UBIAD1: variants seen among roughly 807,000 people sequenced by gnomAD.
The protein encoded by UBIAD1 is UbiA prenyltransferase domain containing 1, also known as ubiA prenyltransferase domain-containing protein 1.
In UBIAD1, 12 loss-of-function variants were observed where a neutral mutation model predicts 20.1. The ratio of observed to expected loss-of-function variants is 0.60; its 90% CI spans 0.38 to 0.97. UBIAD1 has a LOEUF of 0.97. Ranked by LOEUF, UBIAD1 falls within the 50% of genes least tolerant of loss-of-function variation. UBIAD1 has a pLI of 0.00. For synonymous variants in UBIAD1, 207 were observed against 189.2 expected, an observed-to-expected ratio of 1.09 and a Z score of -0.77; for missense variants, 333 against 419.5, an observed-to-expected ratio of 0.79 and a Z score of 1.80.
At chr1:11,276,362 A>G (rs1284720745) in intron 1 of UBIAD1, among the ~76,000 whole-genome samples, 1 of 151,872 alleles carries the variant, frequency 6.6e-6, no homozygotes, top group African/African-American at 2.4e-5. Flanking sequence ...CATTTTATTT[A>G]CATTTTCAGA....
chr1:11,278,766 T>C, intron 1 of UBIAD1: 1 of 552,346 alleles, frequency 1.8e-6, no homozygotes, highest in Non-Finnish European at 3.2e-6. Context: ...ACCATCCCAC[T>C]GGAGTTATTT....
At chr1:11,292,459 T>C (rs1004919561), downstream of UBIAD1, among the ~76,000 whole-genome samples, 6 of 152,096 alleles carry the variant, frequency 3.9e-5, no homozygotes, top group East Asian at 9.6e-4. Flanking sequence ...CAGAGAGGCG[T>C]TGGATGAGAA....
chr1:11,291,624 A>G (rs1256269377), downstream of UBIAD1, among the ~76,000 whole-genome samples: 3 of 151,830 alleles, frequency 2.0e-5, no homozygotes, highest in African/African-American at 7.3e-5. Flanking sequence ...AAAAAAAAAA[A>G]AGAAATATGG....
chr1:11,288,759 A>T (rs372076633), downstream of UBIAD1, among the ~76,000 whole-genome samples: 29 of 152,174 alleles, frequency 1.9e-4, no homozygotes, highest in African/African-American at 6.8e-4. Context: ...AAAATTTTAA[A>T]AAGTTAGCTG....
downstream of UBIAD1, chr1:11,296,099 G>A (rs915057703): frequency 2.4e-4 from 37 of 152,190 alleles, no homozygotes; most frequent in African/African-American, 8.4e-4. Flanking sequence ...ATCTGCAGGT[G>A]GCTGCAAGAC....
downstream of UBIAD1, among the ~76,000 whole-genome samples, chr1:11,292,668 T>TATATAC (rs1223161585): frequency 0.011 from 1,533 of 140,714 alleles, 27 homozygotes; most frequent in South Asian, 0.036. Flanking sequence ...ATTTTATGTA[T>TATATAC]ACACACACAC....
rs1638244097 is a variant in UBIAD1, at chr1:11,285,535, C to CT, written c.530-108dup. 1.9e-6 allele frequency: 3 copies of CT among 1,549,022 alleles called. No individual in the cohort carries two copies. The highest frequency in any genetic ancestry group is 1.8e-6 in the Non-Finnish European group (2 of 1,135,570). ...TGAAATGAGTGCCCACCTGCACAGT[C>CT]TAAGGATTTACCATTTTCAGCCGGA... On this transcript the variant is annotated intron_variant, in intron 1 of 1. Coordinates refer to ENST00000376810, the MANE Select transcript of UBIAD1 (RefSeq NM_013319.3). The surrounding 1 kb of genome is among the most constrained non-coding windows in gnomAD (Gnocchi z 4.4).
At position 11,273,708 on chromosome 1, in the gene UBIAD1, T is replaced by TGCCTCGG; in HGVS notation, c.182_183insGGGCCTC (p.Leu62GlyfsTer40). ...TGGCCCTGAGGCCCTGGAGCTTCAG[T>TGCCTCGG]GCCTCACTCACACCGGTGGCCCTGG... On this transcript the variant is annotated frameshift_variant, in exon 1 of 2. Transcript: ENST00000376810. LOFTEE classifies it high-confidence loss of function. This position sits in a 1 kb window ranked among gnomAD's most constrained non-coding sequence, Gnocchi z 4.9. 6.2e-7 allele frequency: 1 copy of TGCCTCGG among 1,614,096 alleles called. No homozygotes were observed.
At chr1:11,274,275 T>C (rs1391237222) in intron 1 of UBIAD1, among the ~76,000 whole-genome samples, 1 of 152,230 alleles carries the variant, frequency 6.6e-6, no homozygotes, top group African/African-American at 2.4e-5. Flanking sequence ...GAAAATTTTA[T>C]ATGGACATTT....
chr1:11,290,329 A>G (rs185771917), downstream of UBIAD1, among the ~76,000 whole-genome samples: 2 of 152,134 alleles, frequency 1.3e-5, no homozygotes, highest in African/African-American at 4.8e-5. Flanking sequence ...CTGTAAGGTC[A>G]CCTCTCTGCT....
chr1:11,286,189 G>A lies in UBIAD1; in HGVS notation c.*58G>A. ...CCTTTCTTAGAATATATTAAAGTCAGAGTCTCTGAGGAAGGAATGTGATTT... is the reference window on the plus strand; with the variant it reads ...CCTTTCTTAGAATATATTAAAGTCAAAGTCTCTGAGGAAGGAATGTGATTT... On this transcript the variant is annotated 3_prime_UTR_variant, in exon 2 of 2. Coordinates refer to ENST00000376810, the MANE Select transcript of UBIAD1 (RefSeq NM_013319.3). 1 of 1,609,376 alleles carries A rather than the reference G, an allele frequency of 6.2e-7. No homozygotes were observed. Among genetic ancestry groups the A allele is most frequent in the Non-Finnish European group, 8.5e-7 (1 of 1,177,170 alleles).
intron 1 of UBIAD1, chr1:11,279,086 A>G (rs1240765712): frequency 2.5e-4 from 46 of 187,078 alleles, no homozygotes; most frequent in Non-Finnish European, 4.6e-5. Flanking sequence ...GACTAGTCTC[A>G]AACTCCTGAC....
Position 11,273,473 on chromosome 1 carries a change from C to A in UBIAD1, c.-59C>A. ...TGCCCCGCCCCGTCCTTCCTCCTTC[C>A]CGGGCGGTCACTGTGCGTGGCTCAC... On this transcript the variant is annotated 5_prime_UTR_variant, in exon 1 of 2. Transcript: ENST00000376810. The surrounding 1 kb of genome is among the most constrained non-coding windows in gnomAD (Gnocchi z 4.9). 6.2e-7 allele frequency: 1 copy of A among 1,603,416 alleles called. No homozygotes were observed. The highest frequency in any genetic ancestry group is 8.5e-7 in the Non-Finnish European group (1 of 1,176,670).
downstream of UBIAD1, among the ~76,000 whole-genome samples, chr1:11,289,395 T>C (rs1273323880): frequency 6.6e-6 from 1 of 152,062 alleles, no homozygotes; most frequent in Non-Finnish European, 1.5e-5. Context: ...GCTGCTTTGA[T>C]GGGTCAAAAG....
chr1:11,279,175 T>C, intron 1 of UBIAD1: 1 of 228,552 alleles, frequency 4.4e-6, no homozygotes. Flanking sequence ...ATATTCTCTT[T>C]TCATAATTTG....
intron 1 of UBIAD1, 122 bp downstream of exon 1, chr1:11,274,182 G>A: frequency 2.4e-6 from 3 of 1,227,722 alleles, no homozygotes; most frequent in Non-Finnish European, 3.5e-6. Context: ...TTTAATTGAA[G>A]TCTATAATTG....
In UBIAD1 at chr1:11,285,937, C is replaced by T. The variant is rs754398317; in HGVS notation, c.823C>T (p.Leu275=). The T allele has an allele frequency of 6.2e-7, 1 of 1,614,216 alleles. No individual in the cohort carries two copies. Among genetic ancestry groups the T allele is most frequent in the South Asian group, 1.1e-5 (1 of 91,088 alleles). Residue 275 remains leucine, a synonymous_variant, in exon 2 of 2, where the codon CTG becomes TTG. Coordinates refer to ENST00000376810, the MANE Select transcript of UBIAD1 (RefSeq NM_013319.3). This position sits in a 1 kb window ranked among gnomAD's most constrained non-coding sequence, Gnocchi z 4.4. The stretch of plus-strand genomic sequence containing the variant: ...CCTGCCCTACCTGGTCTTCAGCATC[C>T]TGGCCACACACTGCACCATCAGCCT... ...LFLPYLVFSI[L]ATHCTISLAL...
chr1:11,294,006 AG>A (rs1638407953), intron 1 of UBIAD1, among the ~76,000 whole-genome samples: 1 of 152,230 alleles, frequency 6.6e-6, no homozygotes, highest in South Asian at 2.1e-4. Flanking sequence ...TTTAAGATCC[AG>A]CTCATATTCC....
At chr1:11,281,667 CCA>C (rs1258354123) in intron 1 of UBIAD1, among the ~76,000 whole-genome samples, 1 of 152,180 alleles carries the variant, frequency 6.6e-6, no homozygotes, top group Non-Finnish European at 1.5e-5. Flanking sequence ...CCGTCATCAT[CCA>C]GAACACTTCC....
Sources: gnomAD v4.1 joint callset for allele counts (sites outside exome capture counted in the v4.1 genomes callset) on GRCh38, gnomAD v4.1.1 for gene constraint, Gnocchi (gnomAD v3.1) non-coding constraint, MANE v1.5 for transcripts, NCBI Gene and HGNC (gene_info 2026-07-23, HGNC 2026-07-21) for gene names.